Variants in ULK4 observed in about 807,000 individuals in gnomAD.
The protein encoded by ULK4 is inactive serine/threonine-protein kinase ULK4.
In ULK4, 133 loss-of-function variants were observed where a neutral mutation model predicts 160.6. The ratio of observed to expected loss-of-function variants is 0.83; its 90% CI spans 0.72 to 0.96. ULK4 has a LOEUF of 0.96. ULK4 is among the 40% of genes least tolerant of loss of function. The pLI, the probability that ULK4 is intolerant of heterozygous loss-of-function variation, is 0.00. For missense variants in ULK4, 1,580 were observed against 1,499.5 expected, an observed-to-expected ratio of 1.05 and a Z score of -0.89; for synonymous variants, 534 against 539.8, an observed-to-expected ratio of 0.99 and a Z score of 0.15.
At chr3:41,618,148 C>G (rs890386754) in intron 30 of ULK4, among the ~76,000 whole-genome samples, 1 of 152,090 alleles carries the variant, frequency 6.6e-6, no homozygotes, top group Non-Finnish European at 1.5e-5. Flanking sequence ...CTATGATTGA[C>G]TGGTATACCT....
intron 20 of ULK4, among the ~76,000 whole-genome samples, chr3:41,793,030 G>A (rs923685031): frequency 2.6e-5 from 4 of 152,064 alleles, no homozygotes; most frequent in East Asian, 3.9e-4. Context: ...AAAATTAGCC[G>A]CACCTGCTGG....
chr3:41,883,434 C>A (rs1397075869), intron 17 of ULK4, among the ~76,000 whole-genome samples: 1 of 152,138 alleles, frequency 6.6e-6, no homozygotes, highest in Admixed American at 6.5e-5. Flanking sequence ...AACTCCATTA[C>A]CAATTAAGTG....
chr3:41,380,962 G>C (rs565302299), intron 35 of ULK4, among the ~76,000 whole-genome samples: 3 of 152,074 alleles, frequency 2.0e-5, no homozygotes, highest in Non-Finnish European at 2.9e-5. Flanking sequence ...CCTGGAGAAG[G>C]CTCCTTGGTT....
chr3:41,559,841 T>C (rs1297206185), intron 32 of ULK4, among the ~76,000 whole-genome samples: 1 of 152,214 alleles, frequency 6.6e-6, no homozygotes, highest in Non-Finnish European at 1.5e-5. Flanking sequence ...ACACTGATGG[T>C]AGTTTCTTTT....
chr3:41,916,350 G>A (rs1698964587), intron 7 of ULK4, among the ~76,000 whole-genome samples: 1 of 152,060 alleles, frequency 6.6e-6, no homozygotes, highest in Non-Finnish European at 1.5e-5. Flanking sequence ...TCCCAATAAG[G>A]ATCACCAGCT....
intron 35 of ULK4, among the ~76,000 whole-genome samples, chr3:41,315,103 A>G (rs2080122211): frequency 6.6e-6 from 1 of 152,220 alleles, no homozygotes; most frequent in African/African-American, 2.4e-5. Flanking sequence ...AATTGGGAAC[A>G]AGAGTGACAT....
intron 19 of ULK4, among the ~76,000 whole-genome samples, chr3:41,816,973 G>C (rs1328472984): frequency 6.6e-6 from 1 of 151,998 alleles, no homozygotes; most frequent in Non-Finnish European, 1.5e-5. Context: ...GAACCAAATA[G>C]AGCCCAAAAA....
chr3:41,409,213 G>A (rs1293486665), intron 34 of ULK4, among the ~76,000 whole-genome samples: 12 of 152,032 alleles, frequency 7.9e-5, no homozygotes, highest in African/African-American at 2.2e-4. Flanking sequence ...TGGAGATCAC[G>A]CCACTGCACT....
chr3:41,616,953 G>A (rs942999806), intron 30 of ULK4, among the ~76,000 whole-genome samples: 1 of 152,140 alleles, frequency 6.6e-6, no homozygotes, highest in Non-Finnish European at 1.5e-5. Flanking sequence ...GTAGCGGAGG[G>A]GAATCTGCCA....
intron 17 of ULK4, among the ~76,000 whole-genome samples, chr3:41,841,291 T>TGAG (rs558889861): frequency 9.1e-6 from 1 of 109,904 alleles, no homozygotes; most frequent in Non-Finnish European, 1.9e-5. Flanking sequence ...GTCTGGGAAG[T>TGAG]GGGCGCCTCT....
intron 16 of ULK4, among the ~76,000 whole-genome samples, chr3:41,892,491 T>C (rs147564247): frequency 3.9e-5 from 6 of 152,292 alleles, no homozygotes; most frequent in African/African-American, 1.2e-4. Flanking sequence ...AGTATATGCA[T>C]ACAACGGAAT....
At chr3:41,854,438 C>G (rs941287916) in intron 17 of ULK4, among the ~76,000 whole-genome samples, 1 of 152,094 alleles carries the variant, frequency 6.6e-6, no homozygotes. Context: ...TTAGTAAAGG[C>G]CAGTAGCAGC....
chr3:41,711,375 C>T (rs555474372), intron 25 of ULK4, among the ~76,000 whole-genome samples: 137 of 152,128 alleles, frequency 9.0e-4, no homozygotes, highest in Non-Finnish European at 1.4e-3. Flanking sequence ...TGTGTGCCAG[C>T]GCTCTCAATA....
chr3:41,586,295 T>C (rs756235046), intron 31 of ULK4, among the ~76,000 whole-genome samples: 67 of 152,294 alleles, frequency 4.4e-4, no homozygotes, highest in African/African-American at 1.5e-3. Flanking sequence ...TATATGCACA[T>C]TGGAATAATA....
intron 32 of ULK4, among the ~76,000 whole-genome samples, chr3:41,498,810 T>C (rs999200201): frequency 1.3e-5 from 2 of 152,094 alleles, no homozygotes; most frequent in Non-Finnish European, 2.9e-5. Flanking sequence ...TTAGCCAGGA[T>C]GGTCTCGATC....
intron 17 of ULK4, among the ~76,000 whole-genome samples, chr3:41,843,059 A>T (rs1415987838): frequency 2.0e-5 from 3 of 152,242 alleles, no homozygotes; most frequent in Non-Finnish European, 4.4e-5. Flanking sequence ...AATGTAAAAC[A>T]TAAAACTATA....
At chr3:41,926,764 A>G (rs1699402443) in intron 5 of ULK4, among the ~76,000 whole-genome samples, 1 of 149,758 alleles carries the variant, frequency 6.7e-6, no homozygotes, top group Non-Finnish European at 1.5e-5. Context: ...CTGAAGATCA[A>G]CTTAATGAAA....
At chr3:41,404,246 T>C (rs1405853606) in intron 34 of ULK4, among the ~76,000 whole-genome samples, 1 of 147,544 alleles carries the variant, frequency 6.8e-6, no homozygotes, top group Non-Finnish European at 1.5e-5. Context: ...TTTTTTTTGC[T>C]TCATGTATTT....
intron 31 of ULK4, among the ~76,000 whole-genome samples, chr3:41,578,666 G>A (rs1200479891): frequency 1.3e-5 from 2 of 152,178 alleles, no homozygotes; most frequent in Non-Finnish European, 2.9e-5. Flanking sequence ...CCAAAATGTT[G>A]TGCTAAAGAA....
Sources: gnomAD v4.1 joint callset for allele counts (sites outside exome capture counted in the v4.1 genomes callset) on GRCh38, gnomAD v4.1.1 for gene constraint, MANE v1.5 for transcripts, NCBI Gene and HGNC (gene_info 2026-07-23, HGNC 2026-07-21) for gene names.